LPIN2: variants seen among roughly 807,000 people sequenced by gnomAD.
The protein encoded by LPIN2 is lipin 2, also known as phosphatidate phosphatase LPIN2.
LPIN2 carries 55 observed loss-of-function variants against 111.4 expected under a neutral mutation model. That is an observed-to-expected ratio of 0.49 (90% CI 0.40 to 0.62). The LOEUF (loss-of-function observed/expected upper bound fraction) is 0.62, where lower values mean the gene tolerates loss of function less well. Among genes scored for constraint, LPIN2 ranks in the 20% least tolerant of loss-of-function variants. LPIN2 has a pLI of 0.00. For missense variants in LPIN2, 992 were observed against 1,112.1 expected, an observed-to-expected ratio of 0.89 and a Z score of 1.54; for synonymous variants, 425 against 414.0, an observed-to-expected ratio of 1.03 and a Z score of -0.32.
chr18:2,921,736 C>G, intron 17 of LPIN2, 89 bp from the exon 18 acceptor site: 1 of 905,756 alleles, frequency 1.1e-6, no homozygotes, highest in Non-Finnish European at 1.8e-6. Context: ...TCACAACCAC[C>G]CAATTTCTTC....
At chr18:2,990,738 A>T in intron 1 of LPIN2, 1 of 334,626 alleles carries the variant, frequency 3.0e-6, no homozygotes, top group South Asian at 2.5e-5. Context: ...AGAATGTCAA[A>T]GATTACTATT....
intron 1 of LPIN2, among the ~76,000 whole-genome samples, chr18:2,979,756 G>A (rs1279723583): frequency 6.6e-6 from 1 of 152,116 alleles, no homozygotes; most frequent in African/African-American, 2.4e-5. Flanking sequence ...CCAAATTCCT[G>A]AGTTCATCTG....
At chr18:2,972,123 A>T (rs2077928008) in intron 1 of LPIN2, among the ~76,000 whole-genome samples, 2 of 152,186 alleles carry the variant, frequency 1.3e-5, no homozygotes, top group African/African-American at 4.8e-5. Flanking sequence ...TCCCAAAAGC[A>T]ATGCCCATGT....
chr18:2,960,056 G>A (rs775813629), intron 2 of LPIN2, among the ~76,000 whole-genome samples: 4 of 152,044 alleles, frequency 2.6e-5, no homozygotes, highest in Non-Finnish European at 4.4e-5. Flanking sequence ...TGTAATCCCA[G>A]GCACTTGGGA....
intron 1 of LPIN2, chr18:2,966,925 G>GA (rs1341656999): frequency 6.6e-6 from 1 of 152,148 alleles, no homozygotes; most frequent in East Asian, 1.9e-4. Flanking sequence ...GGAGGGAAGA[G>GA]AGACACCAGA....
intron 8 of LPIN2, among the ~76,000 whole-genome samples, chr18:2,932,225 C>T (rs962754989): frequency 1.2e-4 from 18 of 152,104 alleles, no homozygotes; most frequent in African/African-American, 3.9e-4. Context: ...TACTCTATAC[C>T]CTTTGAATAG....
chr18:2,995,568 C>A (rs2078328227), intron 1 of LPIN2, among the ~76,000 whole-genome samples: 1 of 152,216 alleles, frequency 6.6e-6, no homozygotes, highest in African/African-American at 2.4e-5. Flanking sequence ...GAGGGCTCCC[C>A]TTTCTTCCTG....
Position 2,925,518 on chromosome 18 carries a change from T to C in LPIN2, c.1794-150A>G. ...TCTGCCATTCTCCCATATCCACAGC[T>C]CTGTACGCCTGAAATATTCATATTG... is the stretch of plus-strand genomic sequence containing the variant. On this transcript the variant is annotated intron_variant, in intron 13 of 19. Coordinates refer to ENST00000677752, the MANE Select transcript of LPIN2 (RefSeq NM_001375808.2). This position sits in a 1 kb window ranked among gnomAD's most constrained non-coding sequence, Gnocchi z 4.1. 9.6e-7 allele frequency: 1 copy of C among 1,041,172 alleles called. No individual in the cohort carries two copies. The highest frequency in any genetic ancestry group is 1.4e-5 in the South Asian group (1 of 73,162). The allele number at this position is 1,041,172 out of a possible 1,614,324, so 64.5% of individuals were successfully genotyped here. A position where few individuals can be genotyped will look rare whatever the true frequency, so the allele number is the denominator to read the frequency against.
intron 4 of LPIN2, among the ~76,000 whole-genome samples, chr18:2,947,630 T>A (rs1472575815): frequency 6.6e-6 from 1 of 152,206 alleles, no homozygotes; most frequent in East Asian, 1.9e-4. Flanking sequence ...TCTTGAAAAG[T>A]AAAGAATTTA....
chr18:2,981,112 T>C (rs2078103905), intron 1 of LPIN2, among the ~76,000 whole-genome samples: 1 of 152,122 alleles, frequency 6.6e-6, no homozygotes, highest in Admixed American at 6.5e-5. Context: ...TATTCCCAAA[T>C]CACAAAACCA....
At chr18:2,963,220 C>A (rs2143222214) in intron 1 of LPIN2, among the ~76,000 whole-genome samples, 1 of 152,230 alleles carries the variant, frequency 6.6e-6, no homozygotes, top group East Asian at 1.9e-4. Context: ...GAAGGGTCAC[C>A]CCAACAGAGC....
intron 1 of LPIN2, among the ~76,000 whole-genome samples, chr18:2,968,703 G>C (rs991118523): frequency 6.6e-6 from 1 of 152,156 alleles, no homozygotes; most frequent in Non-Finnish European, 1.5e-5. Context: ...CCCAGGCAGA[G>C]AGAACAGCTT....
intron 1 of LPIN2, among the ~76,000 whole-genome samples, chr18:3,010,907 G>A (rs1036748775): frequency 2.6e-5 from 4 of 152,108 alleles, no homozygotes; most frequent in African/African-American, 7.2e-5. Context: ...GCACCACCAG[G>A]AATATTCATC....
intron 13 of LPIN2, among the ~76,000 whole-genome samples, chr18:2,926,089 C>T (rs1425530913): frequency 6.6e-6 from 1 of 152,176 alleles, no homozygotes; most frequent in East Asian, 1.9e-4. Flanking sequence ...TATGCCATTG[C>T]ACCCCAGCCT....
chr18:3,012,476 T>C (rs952208852), intron 1 of LPIN2, among the ~76,000 whole-genome samples: 1 of 139,812 alleles, frequency 7.2e-6, no homozygotes, highest in Non-Finnish European at 1.5e-5. Flanking sequence ...CCTCACAAAT[T>C]AAGATCTGCA....
rs1274907741 is a variant in LPIN2 at position 2,919,302 on chromosome 18, G to C, written c.*991C>G. On this transcript the variant is annotated 3_prime_UTR_variant, in exon 20 of 20. Transcript: ENST00000677752. ...ACAGGGTGTGATCCCAAAAGCCAAA[G>C]TCACACACTGCTGGCCAGTGCCTTT... 6.6e-6 allele frequency: 1 copy of C among 152,144 alleles called. No individual in the cohort carries two copies. The highest frequency in any genetic ancestry group is 1.5e-5 in the Non-Finnish European group (1 of 68,052). 9.4% of individuals were successfully genotyped at this position (152,144 alleles called of 1,614,324 possible).
At chr18:2,976,370 TTCACAGTCAGTAC>T (rs1331670450) in intron 1 of LPIN2, among the ~76,000 whole-genome samples, 1 of 152,146 alleles carries the variant, frequency 6.6e-6, no homozygotes, top group Admixed American at 6.5e-5. Context: ...AGGCCCAAAG[TTCACAGTCAGTAC>T]TCTCAGTAAC....
In LPIN2 at chr18:2,958,142, AAAAAAAAAAAAAAAACAAC is replaced by A. The variant is rs1421852176; in HGVS notation, c.192+2488_192+2506del. ...GGGCGACAAAGCGAGACTCCATCTC[AAAAAAAAAAAAAAAACAAC>A]AAAAAAAAAAAACAGAAAAAAGAAA... On this transcript the variant is annotated intron_variant, in intron 2 of 19. Transcript: ENST00000677752. Among the ~76,000 whole-genome samples, 223 of 55,046 alleles carry A rather than the reference AAAAAAAAAAAAAAAACAAC, an allele frequency of 4.1e-3. 23 individuals are homozygous for A. The highest frequency in any genetic ancestry group is 0.025 in the South Asian group (40 of 1,598). The allele number at this position is 55,046 out of a possible 152,430, so 36.1% of individuals were successfully genotyped here.
chr18:2,994,912 GT>G (rs2078319252), intron 1 of LPIN2, among the ~76,000 whole-genome samples: 1 of 152,212 alleles, frequency 6.6e-6, no homozygotes. Context: ...CCACAAACAT[GT>G]TAGGGGTGGG....
Sources: gnomAD v4.1 joint callset for allele counts (sites outside exome capture counted in the v4.1 genomes callset) on GRCh38, gnomAD v4.1.1 for gene constraint, Gnocchi (gnomAD v3.1) non-coding constraint, MANE v1.5 for transcripts, NCBI Gene and HGNC (gene_info 2026-07-23, HGNC 2026-07-21) for gene names.